The following PAPPA2 variants were observed in gnomAD, a reference collection of about 807,000 sequenced individuals.
PAPPA2 encodes the protein pappalysin 2.
PAPPA2 carries 86 observed loss-of-function variants against 176.4 expected under a neutral mutation model. The ratio of observed to expected loss-of-function variants is 0.49; its 90% CI spans 0.41 to 0.58. The LOEUF is 0.58. Ranked by LOEUF, PAPPA2 falls within the 20% of genes least tolerant of loss-of-function variation. The pLI is 0.00. For missense variants in PAPPA2, 2,073 were observed against 2,256.9 expected (o/e 0.92, Z 1.65); for synonymous variants, 809 against 852.2 (o/e 0.95, Z 0.88).
chr1:176,600,675 C>CAAAAAAA (rs749068016), intron 3 of PAPPA2, among the ~76,000 whole-genome samples: 3 of 80,868 alleles, frequency 3.7e-5, no homozygotes, highest in Non-Finnish European at 2.5e-5. Flanking sequence ...GACTCCGTCT[C>CAAAAAAA]AAAAAAAAAA....
intron 4 of PAPPA2, among the ~76,000 whole-genome samples, chr1:176,688,222 T>G (rs1659939781): frequency 1.3e-5 from 2 of 151,946 alleles, no homozygotes; most frequent in East Asian, 1.9e-4. Flanking sequence ...AGAGTAGAAG[T>G]GTGGTGGAGG....
chr1:176,700,876 T>C (rs1660622162), intron 8 of PAPPA2, among the ~76,000 whole-genome samples: 1 of 152,198 alleles, frequency 6.6e-6, no homozygotes, highest in South Asian at 2.1e-4. Flanking sequence ...TTGAGCTTCA[T>C]TACATTTTTC....
intron 21 of PAPPA2, among the ~76,000 whole-genome samples, chr1:176,831,046 C>T (rs1190607439): frequency 6.6e-6 from 1 of 152,196 alleles, no homozygotes; most frequent in Non-Finnish European, 1.5e-5. Context: ...ACATGGAGGA[C>T]AGCAAACACT....
chr1:176,553,230 G>A (rs991146484), intron 1 of PAPPA2, among the ~76,000 whole-genome samples: 4 of 147,114 alleles, frequency 2.7e-5, no homozygotes, highest in East Asian at 4.2e-4. Context: ...TGAGAGAGCC[G>A]AGGCTGAGCG....
intron 2 of PAPPA2, among the ~76,000 whole-genome samples, chr1:176,579,583 TA>T (rs1263293745): frequency 6.6e-6 from 1 of 152,228 alleles, no homozygotes; most frequent in Non-Finnish European, 1.5e-5. Flanking sequence ...CATCTGCAAG[TA>T]GTGGTCTGCA....
At chr1:176,552,519 G>A (rs10913200) in intron 1 of PAPPA2, among the ~76,000 whole-genome samples, 2,667 of 145,432 alleles carry the variant, frequency 0.018, 32 homozygotes, top group Middle Eastern at 0.05. Flanking sequence ...TTCCCTCTCC[G>A]TCCTGGTCCT....
At chr1:176,716,602 C>CTTTTTTTTT (rs71299410) in intron 12 of PAPPA2, among the ~76,000 whole-genome samples, 209 of 114,806 alleles carry the variant, frequency 1.8e-3, no homozygotes, top group African/African-American at 3.3e-3. Flanking sequence ...TTCCTTCCTT[C>CTTTTTTTTT]TTTTTTTTTT....
chr1:176,630,864 G>T (rs1656299324), intron 3 of PAPPA2, among the ~76,000 whole-genome samples: 1 of 152,154 alleles, frequency 6.6e-6, no homozygotes, highest in Non-Finnish European at 1.5e-5. Flanking sequence ...AATTTGAATT[G>T]CCCAGGAGTA....
intron 5 of PAPPA2, chr1:176,690,687 G>A (rs959084823): frequency 1.6e-6 from 2 of 1,268,788 alleles, no homozygotes; most frequent in African/African-American, 3.0e-5. Flanking sequence ...ATCCTCGATA[G>A]TAAAAAAGGC....
At chr1:176,656,381 T>C (rs1658032279) in intron 3 of PAPPA2, among the ~76,000 whole-genome samples, 2 of 151,766 alleles carry the variant, frequency 1.3e-5, no homozygotes, top group Admixed American at 1.3e-4. Flanking sequence ...AAAACAAAAC[T>C]ACACCCAAAG....
intron 3 of PAPPA2, among the ~76,000 whole-genome samples, chr1:176,598,250 T>C (rs1190778073): frequency 6.6e-6 from 1 of 151,748 alleles, no homozygotes; most frequent in Non-Finnish European, 1.5e-5. Context: ...CAGGTTACTA[T>C]ATTTATTTTT....
chr1:176,731,617 T>A (rs545930089), intron 12 of PAPPA2, among the ~76,000 whole-genome samples: 1 of 151,752 alleles, frequency 6.6e-6, no homozygotes, highest in East Asian at 1.9e-4. Context: ...CGGCATAATG[T>A]AATACTTTGA....
intron 4 of PAPPA2, among the ~76,000 whole-genome samples, chr1:176,673,794 T>C (rs995166534): frequency 6.6e-6 from 1 of 152,152 alleles, no homozygotes; most frequent in African/African-American, 2.4e-5. Flanking sequence ...GAAAAATGCA[T>C]TGAAGTGAGT....
chr1:176,506,541 G>A (rs1251659695), intron 1 of PAPPA2, among the ~76,000 whole-genome samples: 1 of 151,886 alleles, frequency 6.6e-6, no homozygotes, highest in Non-Finnish European at 1.5e-5. Context: ...GCAGTGTTTT[G>A]TAGTTTTCCT....
chr1:176,601,449 C>T (rs184154115), intron 3 of PAPPA2, among the ~76,000 whole-genome samples: 5 of 152,248 alleles, frequency 3.3e-5, no homozygotes, highest in South Asian at 2.1e-4. Context: ...GAGAGCCTGA[C>T]GCATCCAGCA....
intron 3 of PAPPA2, among the ~76,000 whole-genome samples, chr1:176,610,813 TC>T (rs1654877505): frequency 6.6e-6 from 1 of 152,236 alleles, no homozygotes; most frequent in Non-Finnish European, 1.5e-5. Flanking sequence ...TTTTTGCATC[TC>T]ATTCTATTTA....
intron 4 of PAPPA2, among the ~76,000 whole-genome samples, chr1:176,678,151 G>A (rs1659398798): frequency 6.6e-6 from 1 of 152,136 alleles, no homozygotes; most frequent in African/African-American, 2.4e-5. Context: ...AGAAGTGGGT[G>A]TGCTTTGCAT....
Position 176,840,285 on chromosome 1 carries a change from C to T in PAPPA2, c.5301+14C>T. The T allele has an allele frequency of 6.3e-7, 1 of 1,596,426 alleles. No homozygotes were observed. On this transcript the variant is annotated intron_variant, in intron 22 of 22. Coordinates refer to ENST00000367662, the MANE Select transcript of PAPPA2 (RefSeq NM_020318.3). ...TCCTCCAAGAAGGTGAGTGAGAGAA[C>T]CTGGGGATGGGGGAGGCAGTGGCTT...
At chr1:176,802,774 A>T (rs953064733) in intron 21 of PAPPA2, among the ~76,000 whole-genome samples, 20 of 152,114 alleles carry the variant, frequency 1.3e-4, no homozygotes, top group Non-Finnish European at 2.6e-4. Flanking sequence ...CTCAGCCCAT[A>T]TTGCCCTTCA....
Sources: gnomAD v4.1 joint callset for allele counts (sites outside exome capture counted in the v4.1 genomes callset) on GRCh38, gnomAD v4.1.1 for gene constraint, MANE v1.5 for transcripts, NCBI Gene and HGNC (gene_info 2026-07-23, HGNC 2026-07-21) for gene names.